TIMM23: variants seen among roughly 807,000 people sequenced by gnomAD.
The protein encoded by TIMM23 is mitochondrial import inner membrane translocase subunit Tim23.
TIMM23 carries 19 observed loss-of-function variants against 30.7 expected under a neutral mutation model. The observed-to-expected ratio is 0.62, with a 90% CI of 0.43 to 0.91. The LOEUF (loss-of-function observed/expected upper bound fraction) is 0.91, where lower values mean the gene tolerates loss of function less well. Ranked by LOEUF, TIMM23 falls within the 40% of genes least tolerant of loss-of-function variation. The pLI, the probability that TIMM23 is intolerant of heterozygous loss-of-function variation, is 0.00. For missense variants in TIMM23, 202 were observed against 269.2 expected (o/e 0.75, Z 1.75); for synonymous variants, 78 against 98.5 (o/e 0.79, Z 1.23).
intron 1 of TIMM23, among the ~76,000 whole-genome samples, chr10:45,973,840 A>T (rs375184998): frequency 6.8e-6 from 1 of 147,676 alleles, no homozygotes; most frequent in African/African-American, 2.5e-5. Context: ...TATTGTGGAG[A>T]TGGGGTCTCC....
chr10:45,984,847 T>G, intron 4 of TIMM23: 1 of 189,338 alleles, frequency 5.3e-6, no homozygotes, highest in South Asian at 9.8e-5. Flanking sequence ...AGATGGCTGA[T>G]TCCTTCTCTT....
chr10:45,988,452 A>G (rs1838062835), intron 5 of TIMM23, among the ~76,000 whole-genome samples: 1 of 152,170 alleles, frequency 6.6e-6, no homozygotes, highest in African/African-American at 2.4e-5. Context: ...AGGTGAAAGG[A>G]GGGCAGGAGA....
At chr10:45,982,765 A>G in intron 3 of TIMM23, 81 bp from the exon 4 acceptor site, 2 of 1,593,024 alleles carry the variant, frequency 1.3e-6, no homozygotes, top group Non-Finnish European at 1.7e-6. Context: ...AAAAAGAATC[A>G]GAAGTGTAGT....
At chr10:45,979,466 C>CTT (rs782211474) in intron 2 of TIMM23, among the ~76,000 whole-genome samples, 14 of 146,768 alleles carry the variant, frequency 9.5e-5, no homozygotes, top group East Asian at 4.0e-4. Context: ...CTGGCTAATT[C>CTT]TTTTTTTTTT....
chr10:45,996,414 C>G (rs1248812671), intron 6 of TIMM23, among the ~76,000 whole-genome samples: 2 of 149,708 alleles, frequency 1.3e-5, no homozygotes, highest in South Asian at 4.1e-4. Context: ...AGCTGTATGA[C>G]CTTTTGAAAA....
intron 6 of TIMM23, among the ~76,000 whole-genome samples, chr10:45,990,518 C>T (rs1330773782): frequency 1.3e-5 from 2 of 151,022 alleles, no homozygotes; most frequent in East Asian, 1.9e-4. Flanking sequence ...ACCTCCTGGG[C>T]TCAGGTGATC....
intron 2 of TIMM23, among the ~76,000 whole-genome samples, chr10:45,980,642 C>T (rs1837813589): frequency 1.3e-5 from 2 of 152,036 alleles, no homozygotes; most frequent in Non-Finnish European, 2.9e-5. Flanking sequence ...CATTGATACC[C>T]ATTCTTGGAT....
intron 5 of TIMM23, among the ~76,000 whole-genome samples, chr10:45,987,140 G>C (rs587607638): frequency 0.028 from 4,218 of 151,986 alleles, 86 homozygotes; most frequent in Admixed American, 0.074. Context: ...TTTGTTGCCA[G>C]GTGTTTGCTA....
At chr10:45,995,940 A>G (rs1465133553) in intron 6 of TIMM23, among the ~76,000 whole-genome samples, 5 of 149,668 alleles carry the variant, frequency 3.3e-5, no homozygotes, top group Non-Finnish European at 7.4e-5. Flanking sequence ...TTTGTGGTGG[A>G]TGAATTACTG....
chr10:46,000,735 C>T (rs1329187192), intron 6 of TIMM23, among the ~76,000 whole-genome samples: 1 of 152,230 alleles, frequency 6.6e-6, no homozygotes, highest in Non-Finnish European at 1.5e-5. Flanking sequence ...AGCCCATGGA[C>T]TGACTTCACA....
intron 6 of TIMM23, among the ~76,000 whole-genome samples, chr10:45,991,703 A>G (rs1337240836): frequency 5.4e-4 from 82 of 152,138 alleles, no homozygotes; most frequent in African/African-American, 1.7e-3. Flanking sequence ...GTGAGGCGAG[A>G]TCACGCCACT....
intron 6 of TIMM23, chr10:45,992,723 A>T (rs1310740213): frequency 5.6e-6 from 2 of 359,308 alleles, no homozygotes; most frequent in Non-Finnish European, 5.4e-6. Flanking sequence ...ACGCCCAGCT[A>T]ATTTTTGTAT....
At position 46,003,330 on chromosome 10, in the gene TIMM23, AC is replaced by A. The variant is rs782791216; in HGVS notation, c.*13del. On this transcript the variant is annotated 3_prime_UTR_variant, in exon 7 of 7. Coordinates refer to ENST00000580018, the MANE Select transcript of TIMM23 (RefSeq NM_006327.4). ...AACAGTCACTCTGAAGATTTTGCCA[AC>A]TCATGAATGGAGGACACTTCAGTAG... is the stretch of plus-strand genomic sequence containing the variant. The A allele has an allele frequency of 4.5e-5, 71 of 1,591,120 alleles. No homozygotes were observed. The highest frequency in any genetic ancestry group is 1.7e-6 in the Non-Finnish European group (2 of 1,159,376).
chr10:45,997,463 T>C (rs888664405), intron 6 of TIMM23, among the ~76,000 whole-genome samples: 5 of 152,202 alleles, frequency 3.3e-5, no homozygotes, highest in Non-Finnish European at 5.9e-5. Context: ...GGTGTAGTTA[T>C]TGCTAAATGG....
At chr10:45,980,971 G>T in intron 2 of TIMM23, among the ~76,000 whole-genome samples, 1 of 132,636 alleles carries the variant, frequency 7.5e-6, no homozygotes, top group African/African-American at 2.9e-5. Flanking sequence ...ATGGAGTCTC[G>T]CTCTGTCACC....
At chr10:45,980,153 T>C (rs1448698040) in intron 2 of TIMM23, among the ~76,000 whole-genome samples, 2 of 151,256 alleles carry the variant, frequency 1.3e-5, no homozygotes, top group Admixed American at 6.6e-5. Context: ...TTAAAGATAA[T>C]AGAAATTACA....
chr10:45,984,341 G>T (rs1837939397), intron 4 of TIMM23, among the ~76,000 whole-genome samples: 1 of 152,064 alleles, frequency 6.6e-6, no homozygotes, highest in Admixed American at 6.5e-5. Context: ...TTTGGAAGTA[G>T]ATCTCCTAGA....
At chr10:45,988,088 C>T (rs4935237) in intron 5 of TIMM23, among the ~76,000 whole-genome samples, 1 of 152,146 alleles carries the variant, frequency 6.6e-6, no homozygotes. Flanking sequence ...CCCATGAGTT[C>T]AGCTGTCCAG....
intron 5 of TIMM23, among the ~76,000 whole-genome samples, chr10:45,986,293 C>T (rs1397725354): frequency 2.0e-4 from 30 of 152,166 alleles, no homozygotes; most frequent in Non-Finnish European, 4.0e-4. Flanking sequence ...TCCTCCCACC[C>T]TCCTACAGAG....
Sources: allele counts gnomAD v4.1 joint callset (sites outside exome capture counted in the v4.1 genomes callset), GRCh38; gene constraint gnomAD v4.1.1; transcripts MANE v1.5; gene names NCBI Gene and HGNC (gene_info 2026-07-23, HGNC 2026-07-21).